CDH12: variants seen among roughly 807,000 people sequenced by gnomAD.
CDH12 encodes the protein cadherin 12.
In CDH12, 41 loss-of-function variants were observed where a neutral mutation model predicts 74.1. The ratio of observed to expected loss-of-function variants is 0.55; its 90% CI spans 0.43 to 0.72. CDH12 has a LOEUF of 0.72. CDH12 is among the 30% of genes least tolerant of loss of function. The probability of loss-of-function intolerance (pLI) is 0.00; values close to 1 mark genes in which losing one functional copy is unlikely to be tolerated. For synonymous variants in CDH12, 399 were observed against 355.0 expected, an observed-to-expected ratio of 1.12 and a Z score of -1.39; for missense variants, 945 against 977.2, an observed-to-expected ratio of 0.97 and a Z score of 0.44.
intron 5 of CDH12, among the ~76,000 whole-genome samples, chr5:22,062,482 A>G (rs914831576): frequency 6.6e-6 from 1 of 152,170 alleles, no homozygotes; most frequent in Non-Finnish European, 1.5e-5. Flanking sequence ...CAAGCTATGC[A>G]CTTAGACAAT....
intron 9 of CDH12, among the ~76,000 whole-genome samples, chr5:21,812,185 C>A (rs1159688940): frequency 1.3e-5 from 2 of 151,872 alleles, no homozygotes; most frequent in East Asian, 3.9e-4. Flanking sequence ...CATGTCATGC[C>A]TCATTCCTCT....
At chr5:22,205,948 G>A (rs1334045639) in intron 4 of CDH12, among the ~76,000 whole-genome samples, 1 of 151,768 alleles carries the variant, frequency 6.6e-6, no homozygotes, top group Non-Finnish European at 1.5e-5. Flanking sequence ...TGGTTATGTA[G>A]AAATCAACAA....
chr5:21,816,880 T>G (rs1232181290), intron 9 of CDH12, 65 bp downstream of exon 9: 2 of 1,081,632 alleles, frequency 1.8e-6, no homozygotes, highest in Non-Finnish European at 2.6e-6. Flanking sequence ...TCATTTTCAA[T>G]ATTTATTTTT....
chr5:22,588,748 ACT>A (rs1740536344), intron 1 of CDH12, among the ~76,000 whole-genome samples: 1 of 151,872 alleles, frequency 6.6e-6, no homozygotes, highest in Admixed American at 6.6e-5. Flanking sequence ...CCTTACTCAC[ACT>A]CTCTGTCTTC....
At chr5:22,544,120 G>A (rs977866480) in intron 1 of CDH12, among the ~76,000 whole-genome samples, 1 of 151,834 alleles carries the variant, frequency 6.6e-6, no homozygotes, top group Non-Finnish European at 1.5e-5. Flanking sequence ...GCCAGGATTG[G>A]TGCATCATTT....
intron 1 of CDH12, among the ~76,000 whole-genome samples, chr5:22,564,175 A>G: frequency 6.6e-6 from 1 of 152,218 alleles, no homozygotes; most frequent in Non-Finnish European, 1.5e-5. Flanking sequence ...TCTTATAAAA[A>G]TATAGTTCTG....
chr5:21,928,461 G>A (rs1238208042), intron 6 of CDH12, among the ~76,000 whole-genome samples: 1 of 152,152 alleles, frequency 6.6e-6, no homozygotes, highest in African/African-American at 2.4e-5. Flanking sequence ...CAGACATTGA[G>A]AACATTCAAC....
At chr5:22,266,907 T>C (rs1336116598) in intron 3 of CDH12, among the ~76,000 whole-genome samples, 3 of 152,198 alleles carry the variant, frequency 2.0e-5, no homozygotes, top group Non-Finnish European at 2.9e-5. Flanking sequence ...TTTGAATTTC[T>C]GGGAATTATA....
intron 2 of CDH12, among the ~76,000 whole-genome samples, chr5:22,478,751 C>G (rs1468120797): frequency 1.3e-5 from 2 of 151,786 alleles, no homozygotes; most frequent in Non-Finnish European, 2.9e-5. Flanking sequence ...CAAAGTGCTT[C>G]CATTTACTCA....
intron 8 of CDH12, among the ~76,000 whole-genome samples, chr5:21,832,876 G>C (rs1749126311): frequency 1.9e-5 from 1 of 51,898 alleles, no homozygotes; most frequent in Non-Finnish European, 2.9e-5. Flanking sequence ...TATGATATAT[G>C]ATATAATATT....
chr5:22,288,874 G>A (rs924701706), intron 3 of CDH12, among the ~76,000 whole-genome samples: 1 of 152,102 alleles, frequency 6.6e-6, no homozygotes, highest in Non-Finnish European at 1.5e-5. Context: ...TGCAGAGTGG[G>A]TAGAGAGAAA....
chr5:21,754,858 T>G (rs746590493), intron 14 of CDH12, among the ~76,000 whole-genome samples: 6 of 152,164 alleles, frequency 3.9e-5, no homozygotes, highest in Non-Finnish European at 7.4e-5. Flanking sequence ...AATTAATAAA[T>G]GGAGAAGCTG....
chr5:22,388,131 C>T (rs1742080295), intron 3 of CDH12, among the ~76,000 whole-genome samples: 1 of 152,178 alleles, frequency 6.6e-6, no homozygotes, highest in South Asian at 2.1e-4. Flanking sequence ...TGAAACTAGG[C>T]AATTTGCTTA....
At chr5:22,208,338 C>T (rs539423126) in intron 4 of CDH12, among the ~76,000 whole-genome samples, 11 of 152,268 alleles carry the variant, frequency 7.2e-5, no homozygotes, top group East Asian at 3.9e-4. Context: ...GAATACGATA[C>T]GGGATATCAA....
intron 9 of CDH12, among the ~76,000 whole-genome samples, chr5:21,807,191 C>G (rs948849843): frequency 6.6e-6 from 1 of 152,084 alleles, no homozygotes; most frequent in African/African-American, 2.4e-5. Context: ...GGCTCCCTGC[C>G]CAGAGATGGA....
At chr5:21,814,655 AT>A (rs1747943353) in intron 9 of CDH12, among the ~76,000 whole-genome samples, 1 of 150,670 alleles carries the variant, frequency 6.6e-6, no homozygotes, top group East Asian at 1.9e-4. Flanking sequence ...TTAAATATAA[AT>A]AAGTATATAA....
chr5:22,009,869 T>C (rs187630533), intron 5 of CDH12, among the ~76,000 whole-genome samples: 17 of 144,622 alleles, frequency 1.2e-4, no homozygotes, highest in Admixed American at 2.1e-4. Context: ...TTCCAGCCAT[T>C]TGGGAGGCTG....
At chr5:21,852,003 A>T (rs1173334817) in intron 7 of CDH12, among the ~76,000 whole-genome samples, 1 of 151,332 alleles carries the variant, frequency 6.6e-6, no homozygotes, top group East Asian at 1.9e-4. Flanking sequence ...TTAGTTTTTC[A>T]TGCGTTTTAT....
chr5:21,795,903 T>C (rs989348281), intron 10 of CDH12, among the ~76,000 whole-genome samples: 4 of 152,032 alleles, frequency 2.6e-5, no homozygotes, highest in African/African-American at 7.2e-5. Context: ...CAATTCCAAT[T>C]GATTACAGCA....
Sources: gnomAD v4.1 joint callset for allele counts (sites outside exome capture counted in the v4.1 genomes callset) on GRCh38, gnomAD v4.1.1 for gene constraint, MANE v1.5 for transcripts, NCBI Gene and HGNC (gene_info 2026-07-23, HGNC 2026-07-21) for gene names.